The following KDM5C variants were observed in gnomAD, a reference collection of about 807,000 sequenced individuals.
KDM5C encodes lysine demethylase 5C.
KDM5C carries 16 observed loss-of-function variants against 110.6 expected under a neutral mutation model. The ratio of observed to expected loss-of-function variants is 0.14; its 90% CI spans 0.10 to 0.22. The LOEUF (loss-of-function observed/expected upper bound fraction) is 0.22, where lower values mean the gene tolerates loss of function less well. Ranked by LOEUF, KDM5C falls within the 10% of genes least tolerant of loss-of-function variation. The probability of loss-of-function intolerance (pLI) is 1.00; values close to 1 mark genes in which losing one functional copy is unlikely to be tolerated. For missense variants in KDM5C, 681 were observed against 1,300.9 expected (o/e 0.52, Z 7.33); for synonymous variants, 511 against 520.4 (o/e 0.98, Z 0.24).
chrX:53,207,222 A>G (rs1556845961), intron 12 of KDM5C, among the ~76,000 whole-genome samples: 1 of 110,427 alleles, frequency 9.1e-6, no homozygotes, highest in East Asian at 2.8e-4. Context: ...CCACATTAAA[A>G]AGGCAAAAAG....
At chrX:53,204,235 ATCCTTTTT>A (rs1373376983) in intron 12 of KDM5C, among the ~76,000 whole-genome samples, 1 of 75,105 alleles carries the variant, frequency 1.3e-5, no homozygotes, top group Non-Finnish European at 2.6e-5. Flanking sequence ...CCCAAAGAAA[ATCCTTTTT>A]TTTTTTTTTT....
intron 12 of KDM5C, among the ~76,000 whole-genome samples, chrX:53,204,285 G>A (rs1461705429): frequency 4.1e-5 from 4 of 98,585 alleles, no homozygotes; most frequent in Non-Finnish European, 8.0e-5. Flanking sequence ...AAAAGGCCTG[G>A]CAGCCAGTGT....
In KDM5C at chrX:53,192,861, A is replaced by ACCCCCCCCCCCCCCCCCCCCCC; in HGVS notation, c.*105_*106insGGGGGGGGGGGGGGGGGGGGGG. 1 of 502,009 alleles carries ACCCCCCCCCCCCCCCCCCCCCC rather than the reference A, an allele frequency of 2.0e-6. No individual in the cohort carries two copies. Among genetic ancestry groups the ACCCCCCCCCCCCCCCCCCCCCC allele is most frequent in the Non-Finnish European group, 2.9e-6 (1 of 347,654 alleles). The allele number at this position is 502,009 out of a possible 1,213,427, so 41.4% of individuals were successfully genotyped here. On this transcript the variant is annotated 3_prime_UTR_variant, in exon 26 of 26. Transcript: ENST00000375401. ...GGGTGGGCGGGTAGCAGGGATGGCCACCCCCCTACCCGCCCACCCCCCAAG... is the reference window on the plus strand; with the variant it reads ...GGGTGGGCGGGTAGCAGGGATGGCCACCCCCCCCCCCCCCCCCCCCCCCCCCCCTACCCGCCCACCCCCCAAG...
downstream of KDM5C, among the ~76,000 whole-genome samples, chrX:53,190,094 C>T (rs1269183417): frequency 8.9e-6 from 1 of 112,283 alleles, no homozygotes; most frequent in Non-Finnish European, 1.9e-5. Flanking sequence ...CCACTGCTTC[C>T]CTGACCTCAT....
chrX:53,220,962 G>C (rs1556854421), intron 1 of KDM5C, 46 bp from the exon 2 acceptor site: 1 of 1,082,414 alleles, frequency 9.2e-7, no homozygotes, highest in Non-Finnish European at 1.3e-6. Context: ...TCTCAGCATA[G>C]TGTAAGACCG....
Position 53,196,077 on chromosome X carries a change from C to T in KDM5C, c.2982-23G>A, listed in dbSNP as rs782673010. The stretch of plus-strand genomic sequence containing the variant: ...TGCCTAAAGGTAAGGAAAAAAAGAA[C>T]GCTCAGTCTGATGTGGTCTGCCTGA... On this transcript the variant is annotated intron_variant, in intron 19 of 25. Transcript: ENST00000375401. 22 of 1,208,752 alleles carry T rather than the reference C, an allele frequency of 1.8e-5. No individual in the cohort carries two copies. The South Asian group carries it at 3.0e-4, about 16-fold the overall frequency.
intron 22 of KDM5C, 26 bp from the exon 23 acceptor site, chrX:53,194,764 G>A: frequency 8.3e-7 from 1 of 1,209,341 alleles, no homozygotes; most frequent in African/African-American, 1.7e-5. Context: ...CAGGAGCAAA[G>A]TGGGTCAGCA....
intron 7 of KDM5C, chrX:53,215,054 C>T: frequency 6.0e-6 from 3 of 499,685 alleles, no homozygotes; most frequent in Non-Finnish European, 1.1e-5. Flanking sequence ...ATCCAATAAA[C>T]ACTTACTAAA....
chrX:53,181,033 G>A (rs1934031272), intron 25 of KDM5C, among the ~76,000 whole-genome samples: 1 of 109,417 alleles, frequency 9.1e-6, no homozygotes, highest in Non-Finnish European at 1.9e-5. Flanking sequence ...GGCCAGACTG[G>A]TGTTGAACTC....
Position 53,217,974 on chromosome X carries a change from A to C in KDM5C, c.352-8T>G. The C allele has an allele frequency of 5.0e-6, 6 of 1,209,226 alleles. No individual in the cohort carries two copies. Among genetic ancestry groups the C allele is most frequent in the Non-Finnish European group, 6.7e-6 (6 of 893,612 alleles). ...ACCTTCCTCCACCACAATCTGAAAAAACAAGTAGGAAAAGACATGGATGTG... is the reference window on the plus strand; with the variant it reads ...ACCTTCCTCCACCACAATCTGAAAACACAAGTAGGAAAAGACATGGATGTG... On this transcript the variant is annotated splice_region_variant and splice_polypyrimidine_tract_variant and intron_variant, in intron 3 of 25. Coordinates refer to ENST00000375401, the MANE Select transcript of KDM5C (RefSeq NM_004187.5).
intron 2 of KDM5C, among the ~76,000 whole-genome samples, chrX:53,218,958 A>G (rs1449681174): frequency 8.9e-6 from 1 of 112,107 alleles, no homozygotes; most frequent in Non-Finnish European, 1.9e-5. Context: ...AACTGCCAAA[A>G]GCTTTAGATA....
intron 12 of KDM5C, among the ~76,000 whole-genome samples, chrX:53,203,823 G>A (rs1245444007): frequency 5.5e-5 from 6 of 108,132 alleles, no homozygotes; most frequent in South Asian, 4.1e-4. Flanking sequence ...CTACAGTGCC[G>A]TGGTGCAATT....
At chrX:53,204,942 G>A (rs2073278057) in intron 12 of KDM5C, among the ~76,000 whole-genome samples, 1 of 112,032 alleles carries the variant, frequency 8.9e-6, no homozygotes, top group South Asian at 3.7e-4. Flanking sequence ...CTCAGTAGTG[G>A]CTTATGTTTC....
At chrX:53,197,084 G>A (rs1556838025) in intron 18 of KDM5C, 40 bp from the exon 19 acceptor site, 2 of 1,030,986 alleles carry the variant, frequency 1.9e-6, no homozygotes, top group Non-Finnish European at 2.7e-6. Flanking sequence ...CCTCAGCTGG[G>A]CCCACTGAGG....
At chrX:53,220,967 A>C in intron 1 of KDM5C, 51 bp from the exon 2 acceptor site, 12 of 1,063,835 alleles carry the variant, frequency 1.1e-5, no homozygotes, top group Non-Finnish European at 1.6e-5. Context: ...GCATAGTGTA[A>C]GACCGGAAGT....
rs1556832083 is a variant in KDM5C, at chrX:53,193,030, G to A, written c.4620C>T (p.Phe1540=). 1 of 1,196,074 alleles carries A rather than the reference G, an allele frequency of 8.4e-7. No homozygotes were observed. Among genetic ancestry groups the A allele is most frequent in the Non-Finnish European group, 1.1e-6 (1 of 887,514 alleles). ...GATGCAGCCGGGGAGTCAGAGTGGA[G>A]AAAGGGGCCGAGGGGCCTGAAGTGG... ...EGTTSGPSAP[F]STLTPRLHLP... Residue 1540 remains phenylalanine (F), a synonymous_variant, in exon 26 of 26, where the codon TTC becomes TTT. Coordinates refer to ENST00000375401, the MANE Select transcript of KDM5C (RefSeq NM_004187.5).
At chrX:53,203,077 A>G (rs1337868699) in intron 12 of KDM5C, among the ~76,000 whole-genome samples, 1 of 111,510 alleles carries the variant, frequency 9.0e-6, no homozygotes, top group African/African-American at 3.3e-5. Context: ...AAGTGCTGGG[A>G]TTACAAGTGT....
chrX:53,205,146 T>G (rs1409541050), intron 12 of KDM5C, among the ~76,000 whole-genome samples: 1 of 112,373 alleles, frequency 8.9e-6, no homozygotes, highest in Non-Finnish European at 1.9e-5. Context: ...CAAAGCTTTT[T>G]AAGATAAACA....
Position 53,192,858 on chromosome X carries a change from G to GCCC in KDM5C, c.*108_*109insGGG. Reference sequence around the variant, plus strand: ...CAGGGGTGGGCGGGTAGCAGGGATGGCCACCCCCCTACCCGCCCACCCCCC... The same window carrying GCCC: ...CAGGGGTGGGCGGGTAGCAGGGATGGCCCCCACCCCCCTACCCGCCCACCCCCC... On this transcript the variant is annotated 3_prime_UTR_variant, in exon 26 of 26. Coordinates refer to ENST00000375401, the MANE Select transcript of KDM5C (RefSeq NM_004187.5). 6.3e-5 allele frequency: 46 copies of GCCC among 728,376 alleles called. No individual in the cohort carries two copies. The highest frequency in any genetic ancestry group is 1.1e-4 in the Admixed American group (2 of 18,646). 60.0% of individuals were successfully genotyped at this position (728,376 alleles called of 1,213,427 possible).
Sources: gnomAD v4.1 joint callset for allele counts (sites outside exome capture counted in the v4.1 genomes callset) on GRCh38, gnomAD v4.1.1 for gene constraint, MANE v1.5 for transcripts, NCBI Gene and HGNC (gene_info 2026-07-23, HGNC 2026-07-21) for gene names.